ICA1L: variants seen among roughly 807,000 people sequenced by gnomAD.
ICA1L encodes islet cell autoantigen 1 like.
ICA1L carries 50 observed loss-of-function variants against 61.3 expected under a neutral mutation model. That is an observed-to-expected ratio of 0.82 (90% CI 0.65 to 1.03). ICA1L has a LOEUF of 1.03. ICA1L is among the 50% of genes least tolerant of loss of function. ICA1L has a pLI of 0.00. For missense variants in ICA1L, 508 were observed against 556.7 expected (o/e 0.91, Z 0.88); for synonymous variants, 161 against 191.3 (o/e 0.84, Z 1.31).
rs1693925128 is a variant in ICA1L at position 202,828,852 on chromosome 2, A to G, written c.158T>C (p.Leu53Pro). Residue 53 changes from leucine (L) to proline (P), a missense_variant, in exon 2 of 13, where the codon CTT becomes CCT. Coordinates refer to ENST00000358299, the MANE Select transcript of ICA1L (RefSeq NM_001288622.3). ...ACATAGAATCCTCAAATTTACCTCA[A>G]GTTTAGCATCCAGTTCAGCATCAGA... ...VASDAELDAK[L>P]EVFHSVQETC... 1 of 1,613,696 alleles carries G rather than the reference A, an allele frequency of 6.2e-7. No individual in the cohort carries two copies. Among genetic ancestry groups the G allele is most frequent in the African/African-American group, 1.3e-5 (1 of 74,898 alleles).
At chr2:202,841,316 GC>G in intron 1 of ICA1L, 1 of 764,716 alleles carries the variant, frequency 1.3e-6, no homozygotes. Flanking sequence ...GCCTTTCCAA[GC>G]CCAGAGTCTC....
chr2:202,852,198 C>T (rs1380423223), intron 1 of ICA1L, among the ~76,000 whole-genome samples: 4 of 152,086 alleles, frequency 2.6e-5, no homozygotes, highest in African/African-American at 4.8e-5. Flanking sequence ...ACATTTCAGT[C>T]TTTACTATTT....
At position 202,776,231 on chromosome 2, in the gene ICA1L, C is replaced by T. The variant is rs1692216798; in HGVS notation, c.*3302G>A. ...ATTTCAAAAACATACAAAATTACAC[C>T]AATCTGATCTTATTATGCCCTGGTA... On this transcript the variant is annotated 3_prime_UTR_variant, in exon 13 of 13. Coordinates refer to ENST00000358299, the MANE Select transcript of ICA1L (RefSeq NM_001288622.3). 1 of 151,692 alleles carries T rather than the reference C, an allele frequency of 6.6e-6. No individual in the cohort carries two copies. Among genetic ancestry groups the T allele is most frequent in the African/African-American group, 2.4e-5 (1 of 41,026 alleles). 9.4% of individuals were successfully genotyped at this position (151,692 alleles called of 1,614,324 possible).
chr2:202,838,466 C>T (rs1199815981), intron 1 of ICA1L, among the ~76,000 whole-genome samples: 1 of 152,076 alleles, frequency 6.6e-6, no homozygotes, highest in Admixed American at 6.6e-5. Context: ...AGTTGAATTC[C>T]AGTGTTTCCT....
chr2:202,776,707 G>C lies in ICA1L; in HGVS notation c.*2826C>G, dbSNP rs1017776438. The C allele has an allele frequency of 6.6e-6, 1 of 152,204 alleles. No individual in the cohort carries two copies. The highest frequency in any genetic ancestry group is 6.5e-5 in the Admixed American group (1 of 15,280). The allele number at this position is 152,204 out of a possible 1,614,324, so 9.4% of individuals were successfully genotyped here. A position where few individuals can be genotyped will look rare whatever the true frequency, so the allele number is the denominator to read the frequency against. On this transcript the variant is annotated 3_prime_UTR_variant, in exon 13 of 13. Coordinates refer to ENST00000358299, the MANE Select transcript of ICA1L (RefSeq NM_001288622.3). ...TCAAAAACAGTGGTTGGACTTGTTGGAAGTTAGAACTGGACTTGCTAAGGA... is the reference window on the plus strand; with the variant it reads ...TCAAAAACAGTGGTTGGACTTGTTGCAAGTTAGAACTGGACTTGCTAAGGA...
intron 12 of ICA1L, among the ~76,000 whole-genome samples, chr2:202,782,623 G>A (rs1378202432): frequency 1.3e-5 from 2 of 151,998 alleles, no homozygotes; most frequent in South Asian, 2.1e-4. Flanking sequence ...TGGCCAGGCT[G>A]GTCTTGAACT....
At chr2:202,856,714 T>C (rs902677228) in intron 1 of ICA1L, among the ~76,000 whole-genome samples, 2 of 152,170 alleles carry the variant, frequency 1.3e-5, no homozygotes, top group African/African-American at 2.4e-5. Flanking sequence ...GAAGACATGA[T>C]TGTACATTTA....
intron 12 of ICA1L, among the ~76,000 whole-genome samples, chr2:202,784,946 A>G (rs1692533362): frequency 6.6e-6 from 1 of 152,162 alleles, no homozygotes; most frequent in East Asian, 1.9e-4. Flanking sequence ...TGGGCTGGGC[A>G]TGGTGGCTCA....
At chr2:202,787,188 A>T (rs1692613901) in intron 11 of ICA1L, among the ~76,000 whole-genome samples, 1 of 152,248 alleles carries the variant, frequency 6.6e-6, no homozygotes, top group Non-Finnish European at 1.5e-5. Flanking sequence ...GATGACCTTG[A>T]GCAAGTTACT....
In ICA1L at chr2:202,773,762, G is replaced by A. The variant is rs1692127056; in HGVS notation, c.*5771C>T. 1.5e-6 allele frequency: 2 copies of A among 1,365,258 alleles called. No individual in the cohort carries two copies. The highest frequency in any genetic ancestry group is 2.3e-5 in the East Asian group (1 of 43,520). The allele number at this position is 1,365,258 out of a possible 1,614,324, so 84.6% of individuals were successfully genotyped here. On this transcript the variant is annotated 3_prime_UTR_variant, in exon 13 of 13. Coordinates refer to ENST00000358299, the MANE Select transcript of ICA1L (RefSeq NM_001288622.3). ...GTTTAATAACCATCCAGGTCCAAAGGTGGAAGAATACATACACCGGTATGG... is the reference window on the plus strand; with the variant it reads ...GTTTAATAACCATCCAGGTCCAAAGATGGAAGAATACATACACCGGTATGG...
At position 202,778,010 on chromosome 2, in the gene ICA1L, A is replaced by G. The variant is rs1021172740; in HGVS notation, c.*1523T>C. On this transcript the variant is annotated 3_prime_UTR_variant, in exon 13 of 13. Transcript: ENST00000358299. ...ATTCTCCTGCCTCAGCCTCCGGAGT[A>G]GCTGGGACTACAGGCACGTGCCACC... is the stretch of plus-strand genomic sequence containing the variant. 3 of 150,896 alleles carry G rather than the reference A, an allele frequency of 2.0e-5. No individual in the cohort carries two copies. The highest frequency in any genetic ancestry group is 7.4e-5 in the African/African-American group (3 of 40,806). The allele number at this position is 150,896 out of a possible 1,614,324, so 9.3% of individuals were successfully genotyped here.
chr2:202,846,021 T>C (rs879538823), intron 1 of ICA1L, among the ~76,000 whole-genome samples: 2 of 152,194 alleles, frequency 1.3e-5, no homozygotes, highest in African/African-American at 4.8e-5. Context: ...TGACGGTTTA[T>C]AAATAATTCA....
rs199853111 is a variant in ICA1L at position 202,786,037 on chromosome 2, T to C, written c.1244-30A>G. Reference sequence around the variant, plus strand: ...GATAAAAGAAGTAAAAATTGTCCATTGTTAATCAAATAGGAAGCAGCATCA... The same window carrying C: ...GATAAAAGAAGTAAAAATTGTCCATCGTTAATCAAATAGGAAGCAGCATCA... On this transcript the variant is annotated intron_variant, in intron 11 of 12. Coordinates refer to ENST00000358299, the MANE Select transcript of ICA1L (RefSeq NM_001288622.3). The C allele has an allele frequency of 9.1e-5, 117 of 1,292,742 alleles. 1 individual carries two copies. In the African/African-American group the frequency reaches 1.2e-3, roughly 13 times the overall value. The allele number at this position is 1,292,742 out of a possible 1,614,324, so 80.1% of individuals were successfully genotyped here.
At chr2:202,784,481 A>T (rs1032769779) in intron 12 of ICA1L, among the ~76,000 whole-genome samples, 1 of 152,236 alleles carries the variant, frequency 6.6e-6, no homozygotes, top group African/African-American at 2.4e-5. Context: ...TATTGATAAT[A>T]AATAAATGAG....
intron 10 of ICA1L, among the ~76,000 whole-genome samples, chr2:202,793,611 G>T (rs908841331): frequency 6.6e-6 from 1 of 150,828 alleles, no homozygotes; most frequent in Non-Finnish European, 1.5e-5. Context: ...CCTGGGAGGT[G>T]GAGGTTCCAG....
chr2:202,826,627 G>A (rs772627301), intron 2 of ICA1L, among the ~76,000 whole-genome samples: 3 of 151,922 alleles, frequency 2.0e-5, no homozygotes, highest in East Asian at 1.9e-4. Flanking sequence ...GCCCATTACC[G>A]TGCCCAGCTA....
chr2:202,871,203 C>G (rs1687699690), intron 1 of ICA1L: 1 of 152,234 alleles, frequency 6.6e-6, no homozygotes, highest in Admixed American at 6.5e-5. Flanking sequence ...GAAGGCTGTT[C>G]GGGTGATCCG....
intron 1 of ICA1L, among the ~76,000 whole-genome samples, chr2:202,862,747 G>C (rs993654348): frequency 2.0e-5 from 3 of 151,872 alleles, no homozygotes; most frequent in South Asian, 4.2e-4. Context: ...TGAGGCAGGA[G>C]AATCTCTTGA....
At chr2:202,811,684 G>GTGA (rs1421970275) in intron 9 of ICA1L, 62 bp downstream of exon 9, 2 of 878,864 alleles carry the variant, frequency 2.3e-6, no homozygotes, top group African/African-American at 3.5e-5. Context: ...AAAAAAGGCT[G>GTGA]TGATAAACTA....
Sources: gnomAD v4.1 joint callset for allele counts (sites outside exome capture counted in the v4.1 genomes callset) on GRCh38, gnomAD v4.1.1 for gene constraint, MANE v1.5 for transcripts, NCBI Gene and HGNC (gene_info 2026-07-23, HGNC 2026-07-21) for gene names.